Variants in CDON observed in about 807,000 individuals in gnomAD.
CDON encodes cell adhesion associated, oncogene regulated.
In CDON, 73 loss-of-function variants were observed where a neutral mutation model predicts 120.9. That is an observed-to-expected ratio of 0.60 (90% confidence interval 0.50 to 0.73). CDON has a LOEUF of 0.73. CDON is among the 30% of genes least tolerant of loss of function. The probability of loss-of-function intolerance (pLI) is 0.00; values close to 1 mark genes in which losing one functional copy is unlikely to be tolerated. For missense variants in CDON, 1,470 were observed against 1,587.3 expected, an observed-to-expected ratio of 0.93 and a Z score of 1.26; for synonymous variants, 566 against 573.5, an observed-to-expected ratio of 0.99 and a Z score of 0.19.
chr11:125,960,795 G>T lies in CDON; in HGVS notation c.*147C>A. 1.3e-6 allele frequency: 1 copy of T among 766,006 alleles called. No individual in the cohort carries two copies. The highest frequency in any genetic ancestry group is 2.3e-6 in the Non-Finnish European group (1 of 436,728). 47.5% of individuals were successfully genotyped at this position (766,006 alleles called of 1,614,324 possible). A position where few individuals can be genotyped will look rare whatever the true frequency, so the allele number is the denominator to read the frequency against. On this transcript the variant is annotated 3_prime_UTR_variant, in exon 20 of 20. Transcript: ENST00000531738. ...TAATATAAAAGGGCACACGTTTTAA[G>T]ATACATTCATATGACATTACTACTA...
In CDON at chr11:125,957,567, T is replaced by TAAAACATACTTTTCA. The variant is rs1200117604; in HGVS notation, c.*3360_*3374dup. The TAAAACATACTTTTCA allele has an allele frequency of 6.6e-6, 1 of 152,038 alleles. No individual in the cohort carries two copies. Among genetic ancestry groups the TAAAACATACTTTTCA allele is most frequent in the East Asian group, 1.9e-4 (1 of 5,188 alleles). The allele number at this position is 152,038 out of a possible 1,614,324, so 9.4% of individuals were successfully genotyped here. The stretch of plus-strand genomic sequence containing the variant: ...CACAATATTACAACTTTAAGGAAAA[T>TAAAACATACTTTTCA]AAAACATACTTTTCAATATGATACA... On this transcript the variant is annotated 3_prime_UTR_variant, in exon 20 of 20. Coordinates refer to ENST00000531738, the MANE Select transcript of CDON (RefSeq NM_001378964.1).
intron 1 of CDON, among the ~76,000 whole-genome samples, chr11:126,041,960 C>A (rs75359264): frequency 2.4e-4 from 36 of 152,278 alleles, no homozygotes; most frequent in African/African-American, 8.4e-4. Context: ...TCTCGGCTCA[C>A]CACAACTTCT....
In CDON at chr11:125,960,923, A is replaced by G; in HGVS notation, c.*19T>C. The G allele has an allele frequency of 1.2e-6, 2 of 1,613,338 alleles. No individual in the cohort carries two copies. The highest frequency in any genetic ancestry group is 1.7e-6 in the Non-Finnish European group (2 of 1,179,704). ...GTTACCGGCTTGAAGTTGGAACATG[A>G]CTGGTTGTTTGCATGTCCTCAGGTT... On this transcript the variant is annotated 3_prime_UTR_variant, in exon 20 of 20. Transcript: ENST00000531738.
At chr11:126,043,889 A>G (rs1018915161) in intron 1 of CDON, among the ~76,000 whole-genome samples, 3 of 152,248 alleles carry the variant, frequency 2.0e-5, no homozygotes, top group African/African-American at 7.2e-5. Context: ...CACTGTGGTT[A>G]TGCATTGCTG....
chr11:126,039,319 C>T (rs1948189460), intron 1 of CDON, among the ~76,000 whole-genome samples: 1 of 152,154 alleles, frequency 6.6e-6, no homozygotes, highest in Non-Finnish European at 1.5e-5. Context: ...AATTTACAAA[C>T]AAAACAGCTA....
In CDON at chr11:126,029,038, C is replaced by T. The variant is rs1015900167; in HGVS notation, c.-61-5501G>A. On this transcript the variant is annotated intron_variant, in intron 1 of 19. Coordinates refer to ENST00000531738, the MANE Select transcript of CDON (RefSeq NM_001378964.1). Reference sequence around the variant, plus strand: ...AAAAAGAGGCCCCCAATAGCCAACCCCATCCCTCACAACCAAAATTGGCAC... The same window carrying T: ...AAAAAGAGGCCCCCAATAGCCAACCTCATCCCTCACAACCAAAATTGGCAC... Among the ~76,000 whole-genome samples the T allele has an allele frequency of 2.0e-5, 3 of 152,048 alleles. No homozygotes were observed. The South Asian group carries it at 6.2e-4, about 32-fold the overall frequency.
chr11:126,027,995 G>A (rs1194412658), intron 1 of CDON, among the ~76,000 whole-genome samples: 2 of 132,160 alleles, frequency 1.5e-5, no homozygotes, highest in East Asian at 2.2e-4. Flanking sequence ...TTTTACTTTA[G>A]GGTTACTTTT....
rs145043728 is a variant in CDON at position 126,031,038 on chromosome 11, C to T, written c.-61-7501G>A. ...AAGGAAACTGCTCAACTAAGAAGGG[C>T]ACGAACATAATTATCTCCAGAATAA... On this transcript the variant is annotated intron_variant, in intron 1 of 19. Transcript: ENST00000531738. Among the ~76,000 whole-genome samples the T allele has an allele frequency of 8.2e-3, 1,242 of 152,232 alleles. 12 individuals carry two copies. Among genetic ancestry groups the T allele is most frequent in the African/African-American group, 0.028 (1,182 of 41,530 alleles).
chr11:125,997,432 T>A, intron 11 of CDON, 22 bp from the exon 12 acceptor site: 1 of 1,527,850 alleles, frequency 6.5e-7, no homozygotes, highest in Middle Eastern at 1.7e-4. Flanking sequence ...AACGTTCATT[T>A]CAATAACCCA....
In CDON at chr11:126,019,267, T is replaced by C. The variant is rs1311190624; in HGVS notation, c.496+352A>G. Among the ~76,000 whole-genome samples, 4 of 151,952 alleles carry C rather than the reference T, an allele frequency of 2.6e-5. No individual in the cohort carries two copies. The South Asian group carries it at 6.2e-4, about 24-fold the overall frequency. On this transcript the variant is annotated intron_variant, in intron 4 of 19. Transcript: ENST00000531738. ...GGAGGTCAGAGGAAAAGACAAACAA[T>C]AATAAACTAACAGAAATATGAATAA...
rs1565548051 is a variant in CDON, at chr11:126,039,821, G to T, written c.-61-16284C>A. Among the ~76,000 whole-genome samples the T allele has an allele frequency of 2.0e-5, 3 of 152,174 alleles. No homozygotes were observed. In the East Asian group the frequency reaches 5.8e-4, roughly 29 times the overall value. On this transcript the variant is annotated intron_variant, in intron 1 of 19. Coordinates refer to ENST00000531738, the MANE Select transcript of CDON (RefSeq NM_001378964.1). Reference sequence around the variant, plus strand: ...TTCTTAAGCTTCCCCTCCAAAATAAGCCGAACTCTTAGACCTTGCTGGGAA... The same window carrying T: ...TTCTTAAGCTTCCCCTCCAAAATAATCCGAACTCTTAGACCTTGCTGGGAA...
In CDON at chr11:125,971,402, A is replaced by ATTAAT. The variant is rs201655025; in HGVS notation, c.3356+6901_3356+6902insATTAA. 2.6e-3 allele frequency among the ~76,000 whole-genome samples: 367 copies of ATTAAT among 142,612 alleles called. 2 individuals carry two copies. Among genetic ancestry groups the ATTAAT allele is most frequent in the African/African-American group, 9.4e-3 (321 of 34,292 alleles). 93.6% of individuals were successfully genotyped at this position (142,612 alleles called of 152,430 possible). ...TGTCTCTAAATAAATAAATAAATAA[A>ATTAAT]TAAATAAATAATAATAATTAATGTT... is the stretch of plus-strand genomic sequence containing the variant. On this transcript the variant is annotated intron_variant, in intron 18 of 19. Coordinates refer to ENST00000531738, the MANE Select transcript of CDON (RefSeq NM_001378964.1).
chr11:126,011,987 C>T (rs1591384252), intron 7 of CDON, among the ~76,000 whole-genome samples: 1 of 152,174 alleles, frequency 6.6e-6, no homozygotes, highest in African/African-American at 2.4e-5. Context: ...CTCAGTCAAG[C>T]CCTTACATGC....
chr11:126,003,851 A>C (rs1947032436), intron 10 of CDON, 51 bp downstream of exon 10: 1 of 1,510,474 alleles, frequency 6.6e-7, no homozygotes, highest in Admixed American at 1.7e-5. Context: ...CTCACTAATA[A>C]ATTGACATCA....
intron 1 of CDON, among the ~76,000 whole-genome samples, chr11:126,025,961 G>A (rs944752099): frequency 2.0e-5 from 3 of 152,090 alleles, no homozygotes; most frequent in Non-Finnish European, 2.9e-5. Flanking sequence ...TGGGACATGC[G>A]TAACCACAGC....
At chr11:125,967,116 T>C (rs765526673) in intron 18 of CDON, among the ~76,000 whole-genome samples, 1 of 151,470 alleles carries the variant, frequency 6.6e-6, no homozygotes, top group East Asian at 1.9e-4. Context: ...AAAGCAGTAA[T>C]GTTAATATCT....
At chr11:125,986,672 G>A (rs1471602970) in intron 15 of CDON, among the ~76,000 whole-genome samples, 4 of 151,956 alleles carry the variant, frequency 2.6e-5, no homozygotes, top group Non-Finnish European at 5.9e-5. Flanking sequence ...GGCTGAGGCA[G>A]GAGAATAACT....
chr11:125,969,387 A>G (rs1461677376), intron 18 of CDON, among the ~76,000 whole-genome samples: 1 of 152,266 alleles, frequency 6.6e-6, no homozygotes, highest in Admixed American at 6.5e-5. Flanking sequence ...ACATATGTAA[A>G]CTTAAGAGAC....
At chr11:126,058,688 T>C (rs988932130) in intron 1 of CDON, among the ~76,000 whole-genome samples, 1 of 152,254 alleles carries the variant, frequency 6.6e-6, no homozygotes, top group African/African-American at 2.4e-5. Context: ...TCTTGGTAGA[T>C]GAAAACCAAT....
Sources: allele counts gnomAD v4.1 joint callset (sites outside exome capture counted in the v4.1 genomes callset), GRCh38; gene constraint gnomAD v4.1.1; transcripts MANE v1.5; gene names NCBI Gene and HGNC (gene_info 2026-07-23, HGNC 2026-07-21).